Variants in FGF13 observed in about 807,000 individuals in gnomAD.
FGF13 encodes fibroblast growth factor 13.
FGF13 carries 2 observed loss-of-function variants against 19.5 expected under a neutral mutation model. The observed-to-expected ratio is 0.10, with a 90% CI of 0.04 to 0.32. The LOEUF (loss-of-function observed/expected upper bound fraction) is 0.32, where lower values mean the gene tolerates loss of function less well. FGF13 is among the 10% of genes least tolerant of loss of function. The pLI is 1.00. For missense variants in FGF13, 113 were observed against 192.7 expected (o/e 0.59, Z 2.45); for synonymous variants, 72 against 76.9 (o/e 0.94, Z 0.33).
At chrX:138,694,986 AAC>A (rs745359063) in intron 3 of FGF13, among the ~76,000 whole-genome samples, 11,627 of 84,443 alleles carry the variant, frequency 0.14, 791 homozygotes, top group African/African-American at 0.2. Flanking sequence ...TACTAGTTGA[AAC>A]ACACACACAC....
intron 1 of FGF13, among the ~76,000 whole-genome samples, chrX:139,095,510 G>A (rs143622229): frequency 8.9e-6 from 1 of 111,928 alleles, no homozygotes; most frequent in East Asian, 2.8e-4. Context: ...GAGATAGCTT[G>A]GGTAGTAGAA....
intron 1 of FGF13, among the ~76,000 whole-genome samples, chrX:138,936,321 G>T (rs2091730987): frequency 8.9e-6 from 1 of 111,950 alleles, no homozygotes; most frequent in Non-Finnish European, 1.9e-5. Context: ...CCAGACCCAA[G>T]CCAACATCAA....
intron 1 of FGF13, among the ~76,000 whole-genome samples, chrX:139,045,736 T>C (rs1011236962): frequency 5.3e-5 from 6 of 112,439 alleles, no homozygotes; most frequent in Non-Finnish European, 1.1e-4. Flanking sequence ...TCTTTGTTAA[T>C]GCATAACACA....
intron 3 of FGF13, among the ~76,000 whole-genome samples, chrX:138,701,736 T>A (rs1019166372): frequency 5.3e-5 from 6 of 112,217 alleles, no homozygotes; most frequent in Non-Finnish European, 7.5e-5. Context: ...CAAAACAGGG[T>A]TATCATATGG....
chrX:138,975,415 G>T (rs2091935833), intron 1 of FGF13, among the ~76,000 whole-genome samples: 1 of 111,552 alleles, frequency 9.0e-6, no homozygotes, highest in Non-Finnish European at 1.9e-5. Flanking sequence ...GAGAACCAGA[G>T]AACTGTAAAG....
At chrX:138,752,341 C>T (rs768816208) in intron 3 of FGF13, among the ~76,000 whole-genome samples, 2 of 110,506 alleles carry the variant, frequency 1.8e-5, no homozygotes, top group African/African-American at 3.3e-5. Flanking sequence ...GCAGGAGAAT[C>T]GCTTGAAACC....
intron 1 of FGF13, among the ~76,000 whole-genome samples, chrX:139,065,970 GTC>G (rs1185255411): frequency 9.0e-6 from 1 of 111,614 alleles, no homozygotes; most frequent in Non-Finnish European, 1.9e-5. Flanking sequence ...ATAACAAACA[GTC>G]TCTCAGACAA....
chrX:138,618,655 C>G lies in FGF13; in HGVS notation c.*14195G>C, dbSNP rs1228218450. On this transcript the variant is annotated 3_prime_UTR_variant, in exon 5 of 5. Coordinates refer to ENST00000315930, the MANE Select transcript of FGF13 (RefSeq NM_004114.5). ...TCTCTCCTCTACCTTGGCTTGCTCC[C>G]TGCACACGGCCCAAACCCTGACAGC... The G allele has an allele frequency of 1.8e-5, 2 of 111,526 alleles. No homozygotes were observed. Among genetic ancestry groups the G allele is most frequent in the Non-Finnish European group, 3.8e-5 (2 of 53,224 alleles). The allele number at this position is 111,526 out of a possible 1,213,427, so 9.2% of individuals were successfully genotyped here.
chrX:139,037,530 G>A (rs750786457), intron 1 of FGF13, among the ~76,000 whole-genome samples: 84 of 111,487 alleles, frequency 7.5e-4, no homozygotes, highest in African/African-American at 2.7e-3. Flanking sequence ...TACAATCAAG[G>A]CGTTAGCAGT....
chrX:138,650,998 G>A (rs1306499982), intron 3 of FGF13, among the ~76,000 whole-genome samples: 2 of 111,739 alleles, frequency 1.8e-5, no homozygotes, highest in Non-Finnish European at 3.8e-5. Flanking sequence ...ATGCAATTCA[G>A]ATCTACTGAA....
chrX:138,914,270 C>A (rs904774803), intron 1 of FGF13, among the ~76,000 whole-genome samples: 5 of 106,578 alleles, frequency 4.7e-5, no homozygotes, highest in African/African-American at 1.7e-4. Flanking sequence ...TTGTGCCCCC[C>A]GAGCTGCCAT....
chrX:138,681,912 A>G (rs1210790672), intron 3 of FGF13, among the ~76,000 whole-genome samples: 1 of 111,890 alleles, frequency 8.9e-6, no homozygotes, highest in African/African-American at 3.3e-5. Context: ...CCCCAAAACA[A>G]TTATAAGAGT....
intron 1 of FGF13, among the ~76,000 whole-genome samples, chrX:138,888,133 G>A (rs1332873980): frequency 8.9e-6 from 1 of 112,076 alleles, no homozygotes; most frequent in African/African-American, 3.2e-5. Flanking sequence ...TTGTGCCTTG[G>A]CCATTTGCTA....
intron 1 of FGF13, among the ~76,000 whole-genome samples, chrX:138,932,218 T>C (rs748723918): frequency 8.9e-6 from 1 of 111,994 alleles, no homozygotes; most frequent in Non-Finnish European, 1.9e-5. Context: ...AAGAGCTTAG[T>C]ACCATTTGCA....
intron 1 of FGF13, among the ~76,000 whole-genome samples, chrX:139,022,621 T>C (rs2092182439): frequency 1.8e-5 from 2 of 110,990 alleles, no homozygotes; most frequent in South Asian, 7.5e-4. Flanking sequence ...GCAAGTGAAA[T>C]ATATTCAACC....
chrX:138,703,780 TCTCGGCTCAC>T (rs2089969590), intron 2 of FGF13, among the ~76,000 whole-genome samples: 2 of 112,481 alleles, frequency 1.8e-5, no homozygotes, highest in Non-Finnish European at 3.8e-5. Flanking sequence ...AATGGCCCGA[TCTCGGCTCAC>T]CACAACCTCC....
chrX:138,894,763 A>C (rs1010052798), intron 1 of FGF13, among the ~76,000 whole-genome samples: 1 of 111,684 alleles, frequency 9.0e-6, no homozygotes, highest in African/African-American at 3.3e-5. Context: ...TTCCTTCTGA[A>C]ACTATTCCAA....
Position 138,916,610 on chromosome X carries a change from G to A in FGF13, c.-112-51960C>T, listed in dbSNP as rs941286965. On this transcript the variant is annotated intron_variant, in intron 1 of 2. Coordinates refer to the FGF13 transcript ENST00000421460. ...ATGAAACTGGCAGAGCAAGTTAACT[G>A]CTTTATAACAAATTAAATTCTCTAA... Among the ~76,000 whole-genome samples the A allele has an allele frequency of 3.6e-5, 4 of 112,103 alleles. No homozygotes were observed. The Admixed American group carries it at 3.8e-4, about 11-fold the overall frequency.
At chrX:139,157,825 G>A (rs756732794) in intron 1 of FGF13, among the ~76,000 whole-genome samples, 15 of 112,581 alleles carry the variant, frequency 1.3e-4, no homozygotes, top group African/African-American at 3.9e-4. Flanking sequence ...CGGGGTGGCC[G>A]AATAGGAACA....
Sources: allele counts gnomAD v4.1 joint callset (sites outside exome capture counted in the v4.1 genomes callset), GRCh38; gene constraint gnomAD v4.1.1; transcripts MANE v1.5; gene names NCBI Gene and HGNC (gene_info 2026-07-23, HGNC 2026-07-21).